The following DNAH3 variants were observed in gnomAD, a reference collection of about 807,000 sequenced individuals.
DNAH3 encodes the protein dynein axonemal heavy chain 3.
In DNAH3, 332 loss-of-function variants were observed where a neutral mutation model predicts 432.5. The ratio of observed to expected loss-of-function variants is 0.77; its 90% CI spans 0.70 to 0.84. The LOEUF (loss-of-function observed/expected upper bound fraction) is 0.84. Among genes scored for constraint, DNAH3 ranks in the 40% least tolerant of loss-of-function variants. DNAH3 has a pLI of 0.00. For synonymous variants in DNAH3, 1,956 were observed against 1,900.2 expected (o/e 1.03, Z -0.76); for missense variants, 4,861 against 5,114.0 (o/e 0.95, Z 1.51).
intron 40 of DNAH3, 151 bp downstream of exon 40, chr16:21,021,820 T>C: frequency 1.2e-6 from 1 of 834,626 alleles, no homozygotes; most frequent in Non-Finnish European, 1.8e-6. Context: ...GGAGAATCAC[T>C]TGAACCTGGG....
intron 31 of DNAH3, among the ~76,000 whole-genome samples, chr16:21,046,800 G>A (rs1019477092): frequency 1.5e-4 from 23 of 152,018 alleles, no homozygotes; most frequent in Admixed American, 8.5e-4. Context: ...GCATGATTTC[G>A]CAGCGGCTGG....
chr16:21,031,725 C>T (rs138244892), intron 36 of DNAH3, among the ~76,000 whole-genome samples: 51 of 152,270 alleles, frequency 3.3e-4, no homozygotes, highest in African/African-American at 1.1e-3. Flanking sequence ...GGCAAATGTG[C>T]CAGTCAGATC....
At chr16:21,095,868 G>A (rs1390842354) in intron 18 of DNAH3, among the ~76,000 whole-genome samples, 3 of 152,050 alleles carry the variant, frequency 2.0e-5, no homozygotes, top group South Asian at 2.1e-4. Flanking sequence ...AGGTTCAAGC[G>A]ATGCTCCTGC....
intron 5 of DNAH3, among the ~76,000 whole-genome samples, chr16:21,138,655 C>CA (rs1259515648): frequency 1.3e-5 from 2 of 152,070 alleles, no homozygotes; most frequent in Non-Finnish European, 2.9e-5. Context: ...TACTAAAATA[C>CA]AAAAATTAGC....
chr16:21,071,906 A>C (rs2090797813), intron 21 of DNAH3, among the ~76,000 whole-genome samples: 1 of 152,072 alleles, frequency 6.6e-6, no homozygotes, highest in African/African-American at 2.4e-5. Context: ...ATCGGCTGCT[A>C]ATCTGACTGG....
chr16:21,073,049 G>A (rs1410904157), intron 21 of DNAH3, among the ~76,000 whole-genome samples: 1 of 152,034 alleles, frequency 6.6e-6, no homozygotes, highest in Non-Finnish European at 1.5e-5. Flanking sequence ...CCTGTGGGTG[G>A]CACTTTTTCT....
intron 38 of DNAH3, 25 bp downstream of exon 38, chr16:21,027,001 CG>C (rs1567660282): frequency 1.9e-6 from 3 of 1,568,440 alleles, no homozygotes; most frequent in East Asian, 4.5e-5. Flanking sequence ...CACTGTCCCC[CG>C]GGGTGCCAGT....
At chr16:21,134,133 A>G (rs2092607803) in intron 7 of DNAH3, 126 bp downstream of exon 8, 1 of 960,880 alleles carries the variant, frequency 1.0e-6, no homozygotes, top group Non-Finnish European at 1.5e-6. Context: ...TATTTGGCCT[A>G]GATTTTTTTT....
At chr16:20,959,967 C>A (rs982696607) in intron 53 of DNAH3, among the ~76,000 whole-genome samples, 1 of 151,658 alleles carries the variant, frequency 6.6e-6, no homozygotes, top group African/African-American at 2.4e-5. Flanking sequence ...TGATTTTTGC[C>A]AATTTATTTT....
chr16:21,117,755 T>C (rs2092240868), intron 11 of DNAH3, among the ~76,000 whole-genome samples: 1 of 152,190 alleles, frequency 6.6e-6, no homozygotes, highest in African/African-American at 2.4e-5. Flanking sequence ...AAGGTCTGGA[T>C]CATATTTGAC....
exon 57 of DNAH3, chr16:20,948,593 G>T (rs376043405): frequency 3.1e-6 from 5 of 1,614,092 alleles, no homozygotes; most frequent in Non-Finnish European, 4.2e-6. Flanking sequence ...AGCAGGAGAC[G>T]CCGGTCTTTG....
chr16:21,086,047 C>T (rs12185177), intron 19 of DNAH3, among the ~76,000 whole-genome samples: 24,828 of 152,014 alleles, frequency 0.16, 2,488 homozygotes, highest in South Asian at 0.24. Context: ...CTTGAGCCAC[C>T]GTGCCTGGTC....
chr16:20,959,510 C>T, intron 53 of DNAH3, 106 bp from the exon 54 acceptor site: 1 of 1,164,312 alleles, frequency 8.6e-7, no homozygotes, highest in Non-Finnish European at 1.2e-6. Flanking sequence ...TGGCTCACAC[C>T]TGTAATCCCA....
intron 31 of DNAH3, 41 bp from the exon 32 acceptor site, chr16:21,042,244 G>A: frequency 6.5e-7 from 1 of 1,541,530 alleles, no homozygotes; most frequent in East Asian, 2.3e-5. Flanking sequence ...ATCTGCTTCT[G>A]TCTGACAACC....
At chr16:21,071,393 C>T (rs569080939) in intron 21 of DNAH3, among the ~76,000 whole-genome samples, 3 of 151,580 alleles carry the variant, frequency 2.0e-5, no homozygotes, top group African/African-American at 2.4e-5. Flanking sequence ...AGGCTGGTCT[C>T]GAACTCCTGG....
rs533843707 is a variant in DNAH3, at chr16:20,971,631, A to T, written c.8260-1641T>A. 3.3e-5 allele frequency among the ~76,000 whole-genome samples: 5 copies of T among 152,274 alleles called. No individual in the cohort carries two copies. The South Asian group carries it at 1.0e-3, about 32-fold the overall frequency. On this transcript the variant is annotated intron_variant, in intron 51 of 61. Transcript: ENST00000261383. The stretch of plus-strand genomic sequence containing the variant: ...TGCACCGAAACCTGATGTGGCAGTT[A>T]TTGCCTGGGAGTGGGTGTAGTGGGG...
At chr16:21,067,665 G>A (rs779769876) in intron 23 of DNAH3, among the ~76,000 whole-genome samples, 11 of 150,600 alleles carry the variant, frequency 7.3e-5, no homozygotes, top group Non-Finnish European at 1.3e-4. Flanking sequence ...AACCCAAGGA[G>A]TTTAGAATCC....
At chr16:21,097,223 C>A in intron 18 of DNAH3, 132 bp downstream of exon 18, 1 of 1,067,116 alleles carries the variant, frequency 9.4e-7, no homozygotes, top group Admixed American at 2.2e-5. Context: ...ACTGTGGCTG[C>A]CTTAATCTGG....
rs533749658 is a variant in DNAH3 at position 21,070,891 on chromosome 16, T to A, written c.3085-65A>T. The A allele has an allele frequency of 1.4e-4, 149 of 1,058,020 alleles. 1 individual carries two copies. In the East Asian group the frequency reaches 2.5e-3, roughly 18 times the overall value. 65.5% of individuals were successfully genotyped at this position (1,058,020 alleles called of 1,614,324 possible). On this transcript the variant is annotated intron_variant, in intron 21 of 61. Coordinates refer to ENST00000261383, the Ensembl canonical transcript of DNAH3. ...CCTCCCCATTTTTCTTTTCCTTTTT[T>A]AAAAATTTATTTATTTGAGACAGGG...
Sources: gnomAD v4.1 joint callset for allele counts (sites outside exome capture counted in the v4.1 genomes callset) on GRCh38, gnomAD v4.1.1 for gene constraint, MANE v1.5 for transcripts, NCBI Gene and HGNC (gene_info 2026-07-23, HGNC 2026-07-21) for gene names.